ZNF600: variants seen among roughly 807,000 people sequenced by gnomAD.
ZNF600 encodes zinc finger protein KR-ZNF1.
In ZNF600, 4 loss-of-function variants were observed where a neutral mutation model predicts 7.3. That is an observed-to-expected ratio of 0.55 (90% CI 0.27 to 1.25). The LOEUF is 1.25. Ranked by LOEUF, ZNF600 falls within the 50% of genes most tolerant of loss-of-function variation. The pLI is 0.12. For missense variants in ZNF600, 911 were observed against 922.1 expected (o/e 0.99, Z 0.16); for synonymous variants, 290 against 308.9 (o/e 0.94, Z 0.64).
At chr19:52,820,553 G>A in the ZNF600 span, among the ~76,000 whole-genome samples, 10 of 151,552 alleles carry the variant, frequency 6.6e-5, no homozygotes, top group African/African-American at 1.5e-4. Context: ...GACCCAGTCT[G>A]GCACCCCAGA....
exon 4 of ZNF600, chr19:52,767,712 A>G (rs2062599516): frequency 2.5e-6 from 4 of 1,610,470 alleles, no homozygotes; most frequent in Non-Finnish European, 3.4e-6. Context: ...TGTGTGGATC[A>G]CTTCTGTATT....
At chr19:52,786,155 G>A (rs983917702) in intron 1 of ZNF600, among the ~76,000 whole-genome samples, 6 of 152,058 alleles carry the variant, frequency 3.9e-5, no homozygotes, top group African/African-American at 1.2e-4. Context: ...TCCAGGGGGT[G>A]GAGCTGGACA....
chr19:52,796,226 G>A, the ZNF600 span, among the ~76,000 whole-genome samples: 1 of 152,160 alleles, frequency 6.6e-6, no homozygotes. Flanking sequence ...GGGGACAGGG[G>A]GAATCTAAGG....
At chr19:52,766,247 G>A in exon 4 of ZNF600, 2 of 1,613,540 alleles carry the variant, frequency 1.2e-6, no homozygotes, top group Non-Finnish European at 1.7e-6. Context: ...AGGTCTTGCT[G>A]CACTCATTAC....
chr19:52,798,479 T>C, the ZNF600 span: 3 of 482,164 alleles, frequency 6.2e-6, no homozygotes, highest in Admixed American at 2.4e-5. Flanking sequence ...CTGCAAGGAG[T>C]GATCTCGGAC....
chr19:52,775,281 G>A (rs1384522495), intron 2 of ZNF600, among the ~76,000 whole-genome samples: 1 of 151,794 alleles, frequency 6.6e-6, no homozygotes, highest in Non-Finnish European at 1.5e-5. Context: ...ATGCCGGGCA[G>A]TGACTGTCAC....
At chr19:52,830,682 A>G in the ZNF600 span, among the ~76,000 whole-genome samples, 2 of 151,908 alleles carry the variant, frequency 1.3e-5, no homozygotes, top group South Asian at 2.1e-4. Flanking sequence ...TAAGGTCTTG[A>G]CTTACTCAGG....
the ZNF600 span, among the ~76,000 whole-genome samples, chr19:52,802,463 T>C: frequency 6.6e-6 from 1 of 152,078 alleles, no homozygotes. Context: ...GCAGATCACC[T>C]CACGTCAGGA....
chr19:52,833,270 GCACTGA>G, the ZNF600 span, among the ~76,000 whole-genome samples: 1 of 152,190 alleles, frequency 6.6e-6, no homozygotes, highest in Non-Finnish European at 1.5e-5. Flanking sequence ...TTGCCCAGCA[GCACTGA>G]CACCATGGGG....
intron 3 of ZNF600, 117 bp downstream of exon 5, chr19:52,774,458 C>CAAAAA: frequency 2.5e-6 from 2 of 814,400 alleles, no homozygotes; most frequent in African/African-American, 4.8e-5. Context: ...AAAAAACAAC[C>CAAAAA]AAAAAAAAAA....
At chr19:52,820,167 G>A in the ZNF600 span, among the ~76,000 whole-genome samples, 38 of 108,440 alleles carry the variant, frequency 3.5e-4, 4 homozygotes, top group Non-Finnish European at 5.8e-4. Flanking sequence ...CCGGACTGCG[G>A]ACTGCAGTGG....
At chr19:52,792,896 C>G in the ZNF600 span, among the ~76,000 whole-genome samples, 2 of 151,570 alleles carry the variant, frequency 1.3e-5, no homozygotes, top group Non-Finnish European at 2.9e-5. Context: ...CCACGCCCAA[C>G]TAATTTTTTT....
the ZNF600 span, chr19:52,801,441 T>C: frequency 5.6e-6 from 9 of 1,614,218 alleles, no homozygotes; most frequent in South Asian, 2.2e-5. Context: ...ATCTTTAATA[T>C]GCTTGTTTCC....
At chr19:52,792,349 TCCCCTTCTATTCAAAGTCA>T in the ZNF600 span, among the ~76,000 whole-genome samples, 2 of 152,038 alleles carry the variant, frequency 1.3e-5, no homozygotes, top group Non-Finnish European at 2.9e-5. Context: ...GGAACCAGAC[TCCCCTTCTATTCAAAGTCA>T]CCCCTCTGCT....
the ZNF600 span, chr19:52,801,847 A>G: frequency 5.4e-5 from 41 of 763,730 alleles, no homozygotes; most frequent in African/African-American, 6.3e-4. Context: ...AAGGAGTAAG[A>G]TTCTTTAATA....
intron 3 of ZNF600, among the ~76,000 whole-genome samples, chr19:52,770,806 G>C (rs567655919): frequency 2.6e-5 from 4 of 152,058 alleles, no homozygotes; most frequent in African/African-American, 4.8e-5. Context: ...ATTGTGAATA[G>C]GACTAGGGCT....
exon 4 of ZNF600, chr19:52,766,216 C>T (rs878964943): frequency 1.2e-6 from 2 of 1,613,192 alleles, no homozygotes; most frequent in Middle Eastern, 1.7e-4. Flanking sequence ...CGATGGCTTG[C>T]AAGGTATGAC....
chr19:52,786,634 C>G (rs974797187), exon 1 of ZNF600: 11 of 195,638 alleles, frequency 5.6e-5, no homozygotes, highest in Non-Finnish European at 1.2e-4. Flanking sequence ...GGAAGACAGG[C>G]GAGAATTTCC....
At chr19:52,809,578 C>T in the ZNF600 span, among the ~76,000 whole-genome samples, 74,008 of 151,980 alleles carry the variant, frequency 0.49, 20,992 homozygotes, top group Non-Finnish European at 0.66. Flanking sequence ...GAGGTCAAGG[C>T]GGGTGAATAA....
Sources: allele counts gnomAD v4.1 joint callset (sites outside exome capture counted in the v4.1 genomes callset), GRCh38; gene constraint gnomAD v4.1.1; transcripts MANE v1.5; gene names NCBI Gene and HGNC (gene_info 2026-07-23, HGNC 2026-07-21).